CHRNB3: variants seen among roughly 807,000 people sequenced by gnomAD.
The protein encoded by CHRNB3 is neuronal acetylcholine receptor subunit beta-3.
In CHRNB3, 37 loss-of-function variants were observed where a neutral mutation model predicts 40.6. The ratio of observed to expected loss-of-function variants is 0.91; its 90% confidence interval spans 0.70 to 1.20. The LOEUF (loss-of-function observed/expected upper bound fraction) is 1.20. CHRNB3 is among the 50% of genes most tolerant of loss of function. The pLI is 0.00. For missense variants in CHRNB3, 505 were observed against 551.2 expected, an observed-to-expected ratio of 0.92 and a Z score of 0.84; for synonymous variants, 207 against 207.1, an observed-to-expected ratio of 1.00 and a Z score of 0.00.
chr8:42,700,513 T>G (rs1815772513), intron 1 of CHRNB3, among the ~76,000 whole-genome samples: 1 of 151,448 alleles, frequency 6.6e-6, no homozygotes, highest in Non-Finnish European at 1.5e-5. Context: ...AGAGATGAGG[T>G]TTCACCATGT....
chr8:42,721,722 C>CAAACA (rs71231864), intron 3 of CHRNB3: 8,083 of 148,776 alleles, frequency 0.054, 269 homozygotes, highest in Middle Eastern at 0.079. Context: ...GACTCTGTCT[C>CAAACA]AAACAAAACA....
In CHRNB3 at chr8:42,730,706, A is replaced by T; in HGVS notation, c.359+3A>T. The T allele has an allele frequency of 1.3e-6, 2 of 1,554,010 alleles. No homozygotes were observed. Among genetic ancestry groups the T allele is most frequent in the Non-Finnish European group, 1.8e-6 (2 of 1,132,836 alleles). On this transcript the variant is annotated splice_donor_region_variant and intron_variant, in intron 4 of 5. Transcript: ENST00000289957. ...CCTGACATAGTTCTCTTTGAAAAGT[A>T]AGTATCACATTGTTTCTTACTTATG...
intron 5 of CHRNB3, among the ~76,000 whole-genome samples, chr8:42,735,307 G>A (rs1355160731): frequency 6.6e-6 from 1 of 152,164 alleles, no homozygotes; most frequent in African/African-American, 2.4e-5. Flanking sequence ...GGAGGCCGAG[G>A]CGGGTGGATC....
intron 1 of CHRNB3, among the ~76,000 whole-genome samples, chr8:42,702,998 A>G (rs1263449566): frequency 6.6e-6 from 1 of 152,168 alleles, no homozygotes; most frequent in African/African-American, 2.4e-5. Context: ...ATGCCCCAGT[A>G]TCTTCACCTG....
chr8:42,729,556 G>A (rs1407109256), intron 3 of CHRNB3, among the ~76,000 whole-genome samples: 3 of 152,106 alleles, frequency 2.0e-5, no homozygotes, highest in Admixed American at 6.6e-5. Context: ...CCTCTGGGGT[G>A]TGGAGTTCCA....
At chr8:42,703,253 G>A (rs1815849742) in intron 1 of CHRNB3, among the ~76,000 whole-genome samples, 1 of 151,022 alleles carries the variant, frequency 6.6e-6, no homozygotes, top group Admixed American at 6.6e-5. Flanking sequence ...GCGAAACCCT[G>A]TCTCTACTAA....
rs752006587 is a variant in CHRNB3 at position 42,732,278 on chromosome 8, C to A, written c.971C>A (p.Ser324Tyr). 1.9e-6 allele frequency: 3 copies of A among 1,608,638 alleles called. No homozygotes were observed. In the East Asian group the frequency reaches 6.7e-5, roughly 36 times the overall value. The change falls in exon 5 of 6, where the codon TCT becomes TAT. Residue 324 changes from serine (S) to tyrosine (Y), a missense_variant. Physicochemically the swap from Ser to Tyr is moderately radical, Grantham distance 144. Coordinates refer to ENST00000289957, the MANE Select transcript of CHRNB3 (RefSeq NM_000749.5). ...TVFVINVHHR[S>Y]SSTYHPMAPW... ...TTTGTCATTAACGTTCACCACAGATCTTCTTCCACGTACCACCCCATGGCC... is the reference window on the plus strand; with the variant it reads ...TTTGTCATTAACGTTCACCACAGATATTCTTCCACGTACCACCCCATGGCC...
intron 3 of CHRNB3, among the ~76,000 whole-genome samples, chr8:42,722,256 C>T (rs143004873): frequency 1.3e-5 from 2 of 151,978 alleles, no homozygotes; most frequent in African/African-American, 2.4e-5. Flanking sequence ...TCCCATCTAC[C>T]GGAGAGGCTG....
rs143528608 is a variant in CHRNB3 at position 42,731,981 on chromosome 8, A to G, written c.674A>G (p.Tyr225Cys). Reference sequence around the variant, plus strand: ...GTGTACTCCTATCCCTTTATCACGTATTCCTTCGTCCTGAGACGCCTGCCT... The same window carrying G: ...GTGTACTCCTATCCCTTTATCACGTGTTCCTTCGTCCTGAGACGCCTGCCT... Reference protein sequence around the residue: ...DGVYSYPFITYSFVLRRLPLF... With the variant: ...DGVYSYPFITCSFVLRRLPLF... Residue 225 changes from tyrosine (Y) to cysteine (C), a missense_variant, in exon 5 of 6, where the codon TAT becomes TGT. Physicochemically the swap from Tyr to Cys is radical, Grantham distance 194. Coordinates refer to ENST00000289957, the MANE Select transcript of CHRNB3 (RefSeq NM_000749.5). The G allele has an allele frequency of 5.9e-5, 95 of 1,614,086 alleles. No individual in the cohort carries two copies. In the African/African-American group the frequency reaches 8.7e-4, roughly 15 times the overall value.
At chr8:42,714,911 G>C (rs1424033046) in intron 3 of CHRNB3, 1 of 152,184 alleles carries the variant, frequency 6.6e-6, no homozygotes, top group Non-Finnish European at 1.5e-5. Flanking sequence ...CTGTTCTCCT[G>C]TTAGTCCTGT....
chr8:42,730,606 C>G lies in CHRNB3; in HGVS notation c.262C>G (p.His88Asp), dbSNP rs1014389548. The G allele has an allele frequency of 1.2e-6, 2 of 1,602,050 alleles. No individual in the cohort carries two copies. The highest frequency in any genetic ancestry group is 1.7e-6 in the Non-Finnish European group (2 of 1,172,804). ...NVWLKQEWTD[H>D]KLRWNPDDYG... ...TAATTTCATGCAGGAATGGACAGAC[C>G]ACAAGTTACGCTGGAATCCTGATGA... Residue 88 changes from histidine (H) to aspartate (D), a missense_variant, in exon 4 of 6, where the codon CAC (histidine) becomes GAC (aspartate). Transcript: ENST00000289957.
intron 5 of CHRNB3, among the ~76,000 whole-genome samples, chr8:42,735,182 T>C (rs886979983): frequency 2.6e-5 from 4 of 151,466 alleles, no homozygotes; most frequent in Admixed American, 6.6e-5. Flanking sequence ...ATCATGCCAC[T>C]GCACTCCAGC....
intron 3 of CHRNB3, among the ~76,000 whole-genome samples, chr8:42,712,937 C>T (rs1197690306): frequency 6.7e-6 from 1 of 149,854 alleles, no homozygotes; most frequent in East Asian, 2.0e-4. Flanking sequence ...TCTCAGCTCG[C>T]TGCAGCCTCT....
At chr8:42,703,422 T>TA (rs1202825994) in intron 1 of CHRNB3, among the ~76,000 whole-genome samples, 9 of 26,478 alleles carry the variant, frequency 3.4e-4, no homozygotes, top group East Asian at 2.6e-3. Flanking sequence ...AGACTTCGTC[T>TA]AAAAAAAAAA....
intron 1 of CHRNB3, among the ~76,000 whole-genome samples, chr8:42,700,535 G>T (rs1477820212): frequency 1.3e-5 from 2 of 150,818 alleles, no homozygotes; most frequent in Non-Finnish European, 2.9e-5. Flanking sequence ...GGCCAGGCTG[G>T]TCTCAAACTC....
Position 42,732,549 on chromosome 8 carries a change from G to A in CHRNB3, c.1242G>A (p.Gln414=), listed in dbSNP as rs1313160122. Residue 414 remains glutamine, a splice_region_variant and synonymous_variant, in exon 5 of 6, where the codon CAG becomes CAA. Transcript: ENST00000289957. The stretch of plus-strand genomic sequence containing the variant: ...TGAAGAAAGAACATTTTATCAGCCA[G>A]GTGAGTAAACTGGTATTCCTGATAA... The part of the protein sequence containing the change: ...RHVKKEHFIS[Q]VVQDWKFVAQ... 3 of 1,582,982 alleles carry A rather than the reference G, an allele frequency of 1.9e-6. No homozygotes were observed. In the Admixed American group the frequency reaches 5.5e-5, roughly 29 times the overall value.
intron 3 of CHRNB3, chr8:42,725,477 C>T: frequency 1.5e-6 from 1 of 657,432 alleles, no homozygotes; most frequent in Non-Finnish European, 2.7e-6. Context: ...GATAAAAATT[C>T]CCCAAAATAC....
intron 1 of CHRNB3, among the ~76,000 whole-genome samples, chr8:42,698,295 T>C (rs985535193): frequency 6.6e-6 from 1 of 152,236 alleles, no homozygotes; most frequent in African/African-American, 2.4e-5. Context: ...CCTGCCAATT[T>C]CCTGGGTTTG....
Position 42,736,714 on chromosome 8 carries a change from C to T in CHRNB3, c.*96C>T, listed in dbSNP as rs975665958. ...ATGCATGTGCTTGTTCTACGAACCC[C>T]GAATGCGTTGTCTTTGTGGAAATGG... On this transcript the variant is annotated 3_prime_UTR_variant, in exon 6 of 6. Transcript: ENST00000289957. 1.1e-5 allele frequency: 16 copies of T among 1,399,956 alleles called. No homozygotes were observed. The highest frequency in any genetic ancestry group is 1.1e-4 in the African/African-American group (8 of 70,032). The allele number at this position is 1,399,956 out of a possible 1,614,324, so 86.7% of individuals were successfully genotyped here.
Sources: allele counts gnomAD v4.1 joint callset (sites outside exome capture counted in the v4.1 genomes callset), GRCh38; gene constraint gnomAD v4.1.1; transcripts MANE v1.5; gene names NCBI Gene and HGNC (gene_info 2026-07-23, HGNC 2026-07-21).